R3HDM2: variants seen among roughly 807,000 people sequenced by gnomAD.
R3HDM2 encodes R3H domain-containing protein 2.
A neutral mutation model predicts 124.5 loss-of-function variants in R3HDM2; 38 were observed. That is an observed-to-expected ratio of 0.31 (90% confidence interval 0.24 to 0.40). R3HDM2 has a LOEUF of 0.40. R3HDM2 is among the 10% of genes least tolerant of loss of function. The probability of loss-of-function intolerance (pLI) is 1.00; values close to 1 mark genes in which losing one functional copy is unlikely to be tolerated. For missense variants in R3HDM2, 869 were observed against 1,236.9 expected, an observed-to-expected ratio of 0.70 and a Z score of 4.46; for synonymous variants, 391 against 448.0, an observed-to-expected ratio of 0.87 and a Z score of 1.61.
chr12:57,295,388 C>G lies in R3HDM2; in HGVS notation c.810+11G>C, dbSNP rs762755551. On this transcript the variant is annotated intron_variant, in intron 10 of 23. Coordinates refer to ENST00000402412, the MANE Select transcript of R3HDM2 (RefSeq NM_001394031.1). The stretch of plus-strand genomic sequence containing the variant: ...ACTCTCTATATAGGCCCACCCCTTT[C>G]CATTCTTCACCTGGTTATCATCTCG... The G allele has an allele frequency of 6.9e-4, 1,058 of 1,538,568 alleles. 1 individual carries two copies. The highest frequency in any genetic ancestry group is 8.8e-4 in the Non-Finnish European group (999 of 1,136,110).
chr12:57,376,519 G>A (rs2064093643), intron 2 of R3HDM2, among the ~76,000 whole-genome samples: 1 of 152,188 alleles, frequency 6.6e-6, no homozygotes, highest in Admixed American at 6.5e-5. Context: ...TACTGGGTGA[G>A]GTGGCACATG....
chr12:57,391,017 A>T (rs77238295), intron 2 of R3HDM2, among the ~76,000 whole-genome samples: 5 of 138,940 alleles, frequency 3.6e-5, no homozygotes, highest in South Asian at 2.2e-4. Flanking sequence ...CGTCTCAAAT[A>T]AAAAAAAAAA....
intron 1 of R3HDM2, among the ~76,000 whole-genome samples, chr12:57,411,261 A>T (rs747382168): frequency 2.6e-5 from 4 of 152,168 alleles, no homozygotes; most frequent in Non-Finnish European, 5.9e-5. Flanking sequence ...GATGGAGTGC[A>T]GTGGTGTGAT....
chr12:57,428,672 T>C (rs943765554), intron 1 of R3HDM2, among the ~76,000 whole-genome samples: 7 of 151,972 alleles, frequency 4.6e-5, no homozygotes, highest in African/African-American at 1.7e-4. Flanking sequence ...AAAAGTAACA[T>C]TGGTTTTTAT....
intron 2 of R3HDM2, among the ~76,000 whole-genome samples, chr12:57,351,478 T>C (rs1353082518): frequency 6.6e-6 from 1 of 152,200 alleles, no homozygotes. Context: ...TGAGGGAGTA[T>C]GTGCCATTTC....
intron 1 of R3HDM2, among the ~76,000 whole-genome samples, chr12:57,413,488 C>G (rs1167731747): frequency 1.3e-5 from 2 of 149,816 alleles, no homozygotes; most frequent in Non-Finnish European, 3.0e-5. Flanking sequence ...GTAATCCCAG[C>G]ACTTTGGGAG....
chr12:57,265,636 TC>T (rs2042162614), intron 19 of R3HDM2, among the ~76,000 whole-genome samples: 1 of 151,814 alleles, frequency 6.6e-6, no homozygotes, highest in Admixed American at 6.6e-5. Context: ...TCTTTTTTTT[TC>T]CCCCTAGAGA....
At position 57,338,616 on chromosome 12, in the gene R3HDM2, C is replaced by T. The variant is rs188235258; in HGVS notation, c.-35-28153G>A. 3.2e-3 allele frequency among the ~76,000 whole-genome samples: 490 copies of T among 151,992 alleles called. 3 individuals are homozygous for T. The highest frequency in any genetic ancestry group is 4.3e-3 in the Non-Finnish European group (289 of 67,954). ...CATATAGCCCAGGCTGGTCTCGAAC[C>T]CCAGACCTCAAGTGATCCACCCACC... On this transcript the variant is annotated intron_variant, in intron 2 of 23. Coordinates refer to ENST00000402412, the MANE Select transcript of R3HDM2 (RefSeq NM_001394031.1).
chr12:57,429,712 C>CA lies in R3HDM2; in HGVS notation c.-106+1007dup, dbSNP rs567902304. Among the ~76,000 whole-genome samples, 9 of 112,690 alleles carry CA rather than the reference C, an allele frequency of 8.0e-5. No homozygotes were observed. The South Asian group carries it at 2.6e-3, about 33-fold the overall frequency. The allele number at this position is 112,690 out of a possible 152,430, so 73.9% of individuals were successfully genotyped here. On this transcript the variant is annotated intron_variant, in intron 1 of 23. Transcript: ENST00000402412. ...TGGGTGACAGACTGAGACCCTGTCT[C>CA]AAAAAACAAAATACAACCTTTTGTC...
chr12:57,256,944 T>C (rs1270637383), intron 21 of R3HDM2, among the ~76,000 whole-genome samples: 2 of 151,682 alleles, frequency 1.3e-5, no homozygotes, highest in Non-Finnish European at 2.9e-5. Context: ...GCCTCCCGAG[T>C]AGCTGGGATT....
chr12:57,342,244 C>T (rs2059637678), intron 2 of R3HDM2, among the ~76,000 whole-genome samples: 1 of 152,150 alleles, frequency 6.6e-6, no homozygotes, highest in Non-Finnish European at 1.5e-5. Context: ...ATCTGTTCTG[C>T]CGGAATTTTG....
chr12:57,256,457 C>A lies in R3HDM2; in HGVS notation c.2504G>T (p.Cys835Phe), dbSNP rs1474306662. The change falls in exon 22 of 24, where the codon TGC becomes TTC. Residue 835 changes from cysteine (C) to phenylalanine (F), a missense_variant. By Grantham distance (205) the Cys-to-Phe change is radical. Transcript: ENST00000402412. ...GQPLQYNLSI[C>F]PPLLHGQSTY... ...TGACTGGCCATGGAGCAAGGGAGGG[C>A]AGATGGACAGATTGTACTGTAATGG... The A allele has an allele frequency of 6.3e-7, 1 of 1,599,078 alleles. No homozygotes were observed.
At chr12:57,327,730 C>T (rs1208095208) in intron 2 of R3HDM2, among the ~76,000 whole-genome samples, 1 of 152,000 alleles carries the variant, frequency 6.6e-6, no homozygotes, top group Non-Finnish European at 1.5e-5. Flanking sequence ...GTGGAAATAG[C>T]CAGAGAACTA....
intron 2 of R3HDM2, among the ~76,000 whole-genome samples, chr12:57,368,891 G>A (rs769835634): frequency 4.5e-4 from 69 of 152,084 alleles, no homozygotes; most frequent in Non-Finnish European, 7.9e-4. Flanking sequence ...TTCCAAAAGT[G>A]GGGGGTGGAT....
At chr12:57,292,918 TAACAA>T (rs1179984321) in intron 10 of R3HDM2, among the ~76,000 whole-genome samples, 8 of 90,912 alleles carry the variant, frequency 8.8e-5, no homozygotes, top group African/African-American at 3.5e-4. Context: ...GTATCAAGAA[TAACAA>T]CTATTTATAA....
At chr12:57,300,321 G>T (rs544321846) in intron 4 of R3HDM2, 140 bp from the exon 5 acceptor site, 23 of 669,576 alleles carry the variant, frequency 3.4e-5, no homozygotes, top group East Asian at 1.2e-4. Flanking sequence ...TTAAACAGGG[G>T]TTTTTTTCAA....
intron 1 of R3HDM2, among the ~76,000 whole-genome samples, chr12:57,406,335 A>C (rs903274756): frequency 6.6e-6 from 1 of 152,024 alleles, no homozygotes; most frequent in African/African-American, 2.4e-5. Context: ...AAAAAAAAAA[A>C]AAAAACTGAA....
At chr12:57,306,933 T>G (rs1462132788) in intron 3 of R3HDM2, among the ~76,000 whole-genome samples, 1 of 152,128 alleles carries the variant, frequency 6.6e-6, no homozygotes, top group Non-Finnish European at 1.5e-5. Flanking sequence ...GAGAATCACT[T>G]GAACCTGGCA....
intron 2 of R3HDM2, among the ~76,000 whole-genome samples, chr12:57,393,442 T>G (rs1218061513): frequency 3.3e-5 from 5 of 152,140 alleles, no homozygotes; most frequent in Non-Finnish European, 5.9e-5. Flanking sequence ...GAATAGCCAC[T>G]ATACTCCAGC....
Sources: allele counts gnomAD v4.1 joint callset (sites outside exome capture counted in the v4.1 genomes callset), GRCh38; gene constraint gnomAD v4.1.1; transcripts MANE v1.5; gene names NCBI Gene and HGNC (gene_info 2026-07-23, HGNC 2026-07-21).